The following RAB7A variants were observed in gnomAD, a reference collection of about 807,000 sequenced individuals.
RAB7A encodes RAB7A, member RAS oncogene family.
A neutral mutation model predicts 24.5 loss-of-function variants in RAB7A; 2 were observed. That is an observed-to-expected ratio of 0.08 (90% confidence interval 0.03 to 0.26). The LOEUF is 0.26. Among genes scored for constraint, RAB7A ranks in the 10% least tolerant of loss-of-function variants. RAB7A has a pLI of 1.00. For missense variants in RAB7A, 118 were observed against 255.7 expected, an observed-to-expected ratio of 0.46 and a Z score of 3.67; for synonymous variants, 100 against 95.9, an observed-to-expected ratio of 1.04 and a Z score of -0.25.
intron 3 of RAB7A, among the ~76,000 whole-genome samples, chr3:128,798,648 TCC>T (rs1190621401): frequency 6.6e-6 from 1 of 151,936 alleles, no homozygotes; most frequent in Non-Finnish European, 1.5e-5. Context: ...AAACTATTAT[TCC>T]CTTTTTTTCC....
At chr3:128,768,684 G>A (rs779284314) in intron 1 of RAB7A, among the ~76,000 whole-genome samples, 3 of 151,234 alleles carry the variant, frequency 2.0e-5, no homozygotes, top group African/African-American at 4.9e-5. Flanking sequence ...TCAGCCCCAC[G>A]AGTAGCTGGA....
intron 2 of RAB7A, among the ~76,000 whole-genome samples, chr3:128,797,298 A>G (rs890864388): frequency 1.1e-4 from 17 of 151,688 alleles, no homozygotes; most frequent in African/African-American, 4.1e-4. Context: ...TATGGGGGGG[A>G]AGGTTTTTGT....
chr3:128,794,185 TCA>T (rs1008476191), intron 1 of RAB7A, among the ~76,000 whole-genome samples: 3 of 152,236 alleles, frequency 2.0e-5, no homozygotes, highest in Non-Finnish European at 4.4e-5. Context: ...GCTGCTTCTC[TCA>T]CTGTCTTCTG....
chr3:128,781,162 A>G (rs1933210698), intron 1 of RAB7A, among the ~76,000 whole-genome samples: 1 of 152,242 alleles, frequency 6.6e-6, no homozygotes, highest in Non-Finnish European at 1.5e-5. Context: ...TACAGCAAAA[A>G]TCTTGAAGTT....
intron 3 of RAB7A, among the ~76,000 whole-genome samples, chr3:128,798,633 G>C (rs1392549562): frequency 1.3e-5 from 2 of 151,644 alleles, no homozygotes; most frequent in African/African-American, 4.9e-5. Flanking sequence ...TCACATTCTG[G>C]CTATAAACTA....
chr3:128,773,100 G>A (rs1261812124), intron 1 of RAB7A, among the ~76,000 whole-genome samples: 1 of 152,098 alleles, frequency 6.6e-6, no homozygotes, highest in Non-Finnish European at 1.5e-5. Context: ...AGTCTGGGAA[G>A]TGAGGAGCGC....
At chr3:128,734,382 C>T (rs1350689995) in intron 1 of RAB7A, among the ~76,000 whole-genome samples, 1 of 146,318 alleles carries the variant, frequency 6.8e-6, no homozygotes, top group African/African-American at 2.5e-5. Flanking sequence ...ATGAGAATCG[C>T]TTGAACCTGG....
intron 1 of RAB7A, among the ~76,000 whole-genome samples, chr3:128,793,336 G>A (rs1432123312): frequency 6.6e-6 from 1 of 151,294 alleles, no homozygotes; most frequent in Non-Finnish European, 1.5e-5. Context: ...TGTATTTTTA[G>A]TAGAGACAGG....
At chr3:128,771,926 A>G (rs115157694) in intron 1 of RAB7A, among the ~76,000 whole-genome samples, 1,921 of 152,326 alleles carry the variant, frequency 0.013, 41 homozygotes, top group African/African-American at 0.044. Context: ...TCTCCTAAAC[A>G]TATTATATTT....
chr3:128,778,031 A>C (rs1223618856), intron 1 of RAB7A, among the ~76,000 whole-genome samples: 1 of 152,284 alleles, frequency 6.6e-6, no homozygotes, highest in Non-Finnish European at 1.5e-5. Flanking sequence ...CAGTATTTTT[A>C]TTGTGTGTCA....
chr3:128,745,878 C>T (rs928798523), intron 1 of RAB7A, among the ~76,000 whole-genome samples: 1 of 152,212 alleles, frequency 6.6e-6, no homozygotes, highest in African/African-American at 2.4e-5. Flanking sequence ...ACACATCCAT[C>T]CTCTGCTGGT....
chr3:128,740,307 G>A (rs2070538390), intron 1 of RAB7A, among the ~76,000 whole-genome samples: 1 of 152,006 alleles, frequency 6.6e-6, no homozygotes, highest in Admixed American at 6.6e-5. Context: ...CTTGAACCTG[G>A]GAGGCAGAGA....
intron 1 of RAB7A, among the ~76,000 whole-genome samples, chr3:128,743,277 C>A (rs771804717): frequency 1.3e-5 from 2 of 152,234 alleles, no homozygotes; most frequent in African/African-American, 4.8e-5. Flanking sequence ...GTGCCGCGCG[C>A]AGCCCCAGTT....
At chr3:128,801,294 T>C (rs548509898) in intron 3 of RAB7A, among the ~76,000 whole-genome samples, 1 of 152,310 alleles carries the variant, frequency 6.6e-6, no homozygotes, top group Non-Finnish European at 1.5e-5. Context: ...GAGACTAGCC[T>C]GGGCAAAATA....
chr3:128,750,597 A>C (rs898536419), intron 1 of RAB7A, among the ~76,000 whole-genome samples: 2 of 152,194 alleles, frequency 1.3e-5, no homozygotes, highest in African/African-American at 4.8e-5. Flanking sequence ...AGCATTCAAG[A>C]GGTGATTTGG....
chr3:128,771,486 A>AT (rs1932935121), intron 1 of RAB7A, among the ~76,000 whole-genome samples: 1 of 152,182 alleles, frequency 6.6e-6, no homozygotes, highest in African/African-American at 2.4e-5. Context: ...AGGTGGTGAG[A>AT]TATTATGCTT....
chr3:128,753,227 TG>T (rs1439894498), intron 1 of RAB7A, among the ~76,000 whole-genome samples: 2 of 152,168 alleles, frequency 1.3e-5, no homozygotes, highest in Non-Finnish European at 2.9e-5. Flanking sequence ...TGGATGAAAC[TG>T]GAGGCCATTA....
chr3:128,813,880 GCTACCC>G lies in RAB7A; in HGVS notation c.*461_*466del, dbSNP rs1384941026. ...CCCCCTTTCCCCTCCCTCCTTGAAG[GCTACCC>G]CTTGGGAAGGCTGGTGCCCCATGCC... On this transcript the variant is annotated 3_prime_UTR_variant, in exon 6 of 6. Transcript: ENST00000265062. The G allele has an allele frequency of 2.0e-5, 5 of 253,454 alleles. No homozygotes were observed. The allele number at this position is 253,454 out of a possible 1,614,324, so 15.7% of individuals were successfully genotyped here.
rs1933799774 is a variant in RAB7A at position 128,806,255 on chromosome 3, A to C, written c.181-117A>C. Reference sequence around the variant, plus strand: ...AATTTGCTTCCTGAAGTCTGGTGTCATTTGTCTTTGTGGGTGGCCCCACAA... The same window carrying C: ...AATTTGCTTCCTGAAGTCTGGTGTCCTTTGTCTTTGTGGGTGGCCCCACAA... On this transcript the variant is annotated intron_variant, in intron 3 of 5. Transcript: ENST00000265062. The C allele has an allele frequency of 5.9e-6, 5 of 848,784 alleles. No homozygotes were observed. In the South Asian group the frequency reaches 8.7e-5, roughly 15 times the overall value. The allele number at this position is 848,784 out of a possible 1,614,324, so 52.6% of individuals were successfully genotyped here.
Sources: allele counts gnomAD v4.1 joint callset (sites outside exome capture counted in the v4.1 genomes callset), GRCh38; gene constraint gnomAD v4.1.1; transcripts MANE v1.5; gene names NCBI Gene and HGNC (gene_info 2026-07-23, HGNC 2026-07-21).